The following INTS3 variants were observed in gnomAD, a reference collection of about 807,000 sequenced individuals.
The protein encoded by INTS3 is SOSS complex subunit A.
INTS3 carries 34 observed loss-of-function variants against 146.3 expected under a neutral mutation model. The ratio of observed to expected loss-of-function variants is 0.23; its 90% CI spans 0.18 to 0.31. The LOEUF is 0.31. Ranked by LOEUF, INTS3 falls within the 10% of genes least tolerant of loss-of-function variation. INTS3 has a pLI of 1.00. For synonymous variants in INTS3, 475 were observed against 494.9 expected, an observed-to-expected ratio of 0.96 and a Z score of 0.53; for missense variants, 757 against 1,304.2, an observed-to-expected ratio of 0.58 and a Z score of 6.46.
chr1:153,761,582 C>T lies in INTS3; in HGVS notation c.1422C>T (p.Pro474=). Residue 474 remains proline, a synonymous_variant, in exon 14 of 30, where the codon CCC becomes CCT. Coordinates refer to ENST00000318967, the MANE Select transcript of INTS3 (RefSeq NM_023015.5). ...GTTCCCCATTTAGACACCTAGCTCC[C>T]CTGTTTGACAACCCTAAGTTGGATA... ...VEKRVLAHLA[P]LFDNPKLDKE... is the part of the protein sequence containing the mutation. 6.2e-7 allele frequency: 1 copy of T among 1,613,290 alleles called. No homozygotes were observed. Among genetic ancestry groups the T allele is most frequent in the Non-Finnish European group, 8.5e-7 (1 of 1,179,234 alleles).
At chr1:153,729,623 T>G (rs1670989485) in intron 1 of INTS3, among the ~76,000 whole-genome samples, 3 of 152,150 alleles carry the variant, frequency 2.0e-5, no homozygotes, top group African/African-American at 7.2e-5. Context: ...ATCCCAGCAC[T>G]TTGAGAGACC....
At chr1:153,770,372 A>G (rs1474703620) in intron 24 of INTS3, 61 bp downstream of exon 24, 1 of 1,053,720 alleles carries the variant, frequency 9.5e-7, no homozygotes, top group Non-Finnish European at 1.5e-6. Flanking sequence ...AGTTAGGGCA[A>G]GGCTGAGGCC....
chr1:153,750,568 C>T (rs185347828), intron 6 of INTS3, among the ~76,000 whole-genome samples: 11 of 152,240 alleles, frequency 7.2e-5, no homozygotes, highest in Admixed American at 3.3e-4. Flanking sequence ...TAATGATAAG[C>T]AGACTGAGCT....
rs781554191 is a variant in INTS3 at position 153,772,949 on chromosome 1, G to T, written c.2919G>T (p.Ala973=). Residue 973 remains alanine (A), a synonymous_variant, in exon 29 of 30, where the codon GCG becomes GCT. Coordinates refer to ENST00000318967, the MANE Select transcript of INTS3 (RefSeq NM_023015.5). The surrounding 1 kb of genome is among the most constrained non-coding windows in gnomAD (Gnocchi z 4.6). ...KMKFSDLFSL[A]EEYEDSSTKP... ...GATTCAGTGATCTCTTCTCCCTGGC[G>T]GAGGAATATGAGGACTCTTCCACCA... 1.2e-6 allele frequency: 2 copies of T among 1,614,112 alleles called. No individual in the cohort carries two copies.
At position 153,741,363 on chromosome 1, in the gene INTS3, C is replaced by CAGA; in HGVS notation, c.316_318dup (p.Lys106dup). Reference sequence around the variant, plus strand: ...CATCCTCACTGAACCTGCCCAAGCCCAGAAGGTAAGGCACCCTGCTCTGGA... The same window carrying CAGA: ...CATCCTCACTGAACCTGCCCAAGCCCAGAAGAAGGTAAGGCACCCTGCTCTGGA... On this transcript the variant is annotated inframe_insertion, in exon 3 of 30. Coordinates refer to ENST00000318967, the MANE Select transcript of INTS3 (RefSeq NM_023015.5). 6.2e-7 allele frequency: 1 copy of CAGA among 1,612,604 alleles called. No homozygotes were observed. Among genetic ancestry groups the CAGA allele is most frequent in the Non-Finnish European group, 8.5e-7 (1 of 1,178,640 alleles).
intron 7 of INTS3, 161 bp from the exon 8 acceptor site, chr1:153,752,118 C>A: frequency 1.3e-6 from 1 of 748,488 alleles, no homozygotes; most frequent in Non-Finnish European, 2.3e-6. Context: ...TTCCCCTGAA[C>A]AGCTAGGAGC....
In INTS3 at chr1:153,770,058, G is replaced by GGT. The variant is rs55766761; in HGVS notation, c.2390-96_2390-95dup. 3,523 of 442,620 alleles carry GGT rather than the reference G, an allele frequency of 8.0e-3. 3 individuals are homozygous for GGT. The highest frequency in any genetic ancestry group is 0.015 in the South Asian group (704 of 46,830). 27.4% of individuals were successfully genotyped at this position (442,620 alleles called of 1,614,324 possible). On this transcript the variant is annotated intron_variant, in intron 23 of 29. Transcript: ENST00000318967. Reference sequence around the variant, plus strand: ...GGGGTGCTGGTAGTCAGTGGATTGGGGTGTGTGTGTGTGTGTGTGTGTGTG... The same window carrying GGT: ...GGGGTGCTGGTAGTCAGTGGATTGGGGTGTGTGTGTGTGTGTGTGTGTGTGTG...
intron 8 of INTS3, among the ~76,000 whole-genome samples, chr1:153,753,019 C>T (rs530904472): frequency 8.0e-4 from 121 of 151,344 alleles, no homozygotes; most frequent in African/African-American, 2.7e-3. Flanking sequence ...TGCTTGTGAT[C>T]GTGCATGCAC....
rs1484293710 is a variant in INTS3 at position 153,728,446 on chromosome 1, T to A, written c.-189T>A. The A allele has an allele frequency of 1.3e-5, 8 of 625,900 alleles. No homozygotes were observed. Among genetic ancestry groups the A allele is most frequent in the Non-Finnish European group, 2.2e-5 (8 of 370,576 alleles). The allele number at this position is 625,900 out of a possible 1,614,324, so 38.8% of individuals were successfully genotyped here. A position where few individuals can be genotyped will look rare whatever the true frequency, so the allele number is the denominator to read the frequency against. The stretch of plus-strand genomic sequence containing the variant: ...ACCCCAGAGTCAGGACCCAGAGGAC[T>A]GTGCCTTCGCCCCCAACGCAGGCGC... On this transcript the variant is annotated 5_prime_UTR_variant, in exon 1 of 30. Transcript: ENST00000318967.
At chr1:153,769,046 G>T in intron 22 of INTS3, 85 bp downstream of exon 22, 1 of 1,114,304 alleles carries the variant, frequency 9.0e-7, no homozygotes, top group Non-Finnish European at 1.4e-6. Context: ...CAGGCCTGCA[G>T]ACAGGGAGCC....
chr1:153,763,520 C>T (rs147148454), intron 16 of INTS3, among the ~76,000 whole-genome samples, 158 bp downstream of exon 16: 72 of 152,316 alleles, frequency 4.7e-4, no homozygotes, highest in South Asian at 3.9e-3. Context: ...CTGCACTTTA[C>T]GTTAGGGAGT....
chr1:153,769,100 C>G lies in INTS3; in HGVS notation c.2313+139C>G, dbSNP rs1672712822. 1.7e-5 allele frequency: 12 copies of G among 694,416 alleles called. No individual in the cohort carries two copies. In the South Asian group the frequency reaches 2.0e-4, roughly 12 times the overall value. 43.0% of individuals were successfully genotyped at this position (694,416 alleles called of 1,614,324 possible). On this transcript the variant is annotated intron_variant, in intron 22 of 29. Coordinates refer to ENST00000318967, the MANE Select transcript of INTS3 (RefSeq NM_023015.5). ...TCCCTCCTGGCTACAGTGGTGTGCG[C>G]TTTCAGCCATGGGGCCTGGGAAGGA...
chr1:153,731,901 CTTTTT>C (rs34353204), intron 1 of INTS3, among the ~76,000 whole-genome samples: 2,986 of 65,116 alleles, frequency 0.046, 35 homozygotes, highest in Non-Finnish European at 0.064. Context: ...CTTTTTTTAA[CTTTTT>C]TTTTTTTTTT....
Position 153,728,399 on chromosome 1 carries a change from A to G in INTS3, c.-236A>G, listed in dbSNP as rs1307369717. The G allele has an allele frequency of 4.0e-6, 2 of 497,460 alleles. No homozygotes were observed. Among genetic ancestry groups the G allele is most frequent in the East Asian group, 3.5e-5 (1 of 28,766 alleles). The allele number at this position is 497,460 out of a possible 1,614,324, so 30.8% of individuals were successfully genotyped here. A position where few individuals can be genotyped will look rare whatever the true frequency, so the allele number is the denominator to read the frequency against. On this transcript the variant is annotated 5_prime_UTR_variant, in exon 1 of 30. Coordinates refer to ENST00000318967, the MANE Select transcript of INTS3 (RefSeq NM_023015.5). ...TTTACCCCACTGTACTTCGGAGCCA[A>G]CGCCTTTCCCTCAGCACTGCCACCC...
chr1:153,772,265 C>T lies in INTS3; in HGVS notation c.2721-75C>T. On this transcript the variant is annotated intron_variant, in intron 26 of 29. Transcript: ENST00000318967. The surrounding 1 kb of genome is among the most constrained non-coding windows in gnomAD (Gnocchi z 4.6). ...TAGGCTGCCTCTGTCTTAAGGGGGC[C>T]CTGGCGGGTGGAGGGTGTCTCGCAC... 1.3e-6 allele frequency: 2 copies of T among 1,521,532 alleles called. No individual in the cohort carries two copies. The highest frequency in any genetic ancestry group is 9.0e-7 in the Non-Finnish European group (1 of 1,111,558). 94.3% of individuals were successfully genotyped at this position (1,521,532 alleles called of 1,614,324 possible).
intron 14 of INTS3, among the ~76,000 whole-genome samples, chr1:153,762,373 C>T (rs143400347): frequency 2.2e-4 from 34 of 152,122 alleles, no homozygotes; most frequent in East Asian, 5.8e-4. Flanking sequence ...GAACCTGGGA[C>T]GGGGAGGTTG....
intron 5 of INTS3, chr1:153,748,042 T>C (rs1174403970): frequency 1.3e-5 from 2 of 156,410 alleles, no homozygotes; most frequent in Non-Finnish European, 2.8e-5. Context: ...CCTTAATCTA[T>C]GTGATATGTG....
intron 6 of INTS3, 98 bp downstream of exon 6, chr1:153,748,853 C>A: frequency 2.0e-6 from 2 of 981,506 alleles, no homozygotes; most frequent in Non-Finnish European, 3.3e-6. Context: ...GGCCCAAGAA[C>A]ACCTTAAGTT....
chr1:153,746,894 T>C (rs1671767639), intron 3 of INTS3, 63 bp from the exon 4 acceptor site: 1 of 971,732 alleles, frequency 1.0e-6, no homozygotes, highest in Middle Eastern at 2.3e-4. Flanking sequence ...AGGGGTCCAC[T>C]GTGGGTGGGG....
Sources: allele counts gnomAD v4.1 joint callset (sites outside exome capture counted in the v4.1 genomes callset), GRCh38; gene constraint gnomAD v4.1.1; non-coding constraint Gnocchi (gnomAD v3.1); transcripts MANE v1.5; gene names NCBI Gene and HGNC (gene_info 2026-07-23, HGNC 2026-07-21).